The following EFCAB11 variants were observed in gnomAD, a reference collection of about 807,000 sequenced individuals.
The protein encoded by EFCAB11 is EF-hand calcium-binding domain-containing protein 11.
Under a neutral mutation model 23.0 loss-of-function variants are expected in EFCAB11, and 14 were observed. The ratio of observed to expected loss-of-function variants is 0.61; its 90% confidence interval spans 0.40 to 0.95. EFCAB11 has a LOEUF of 0.95. EFCAB11 is among the 40% of genes least tolerant of loss of function. EFCAB11 has a pLI of 0.00. For synonymous variants in EFCAB11, 65 were observed against 66.6 expected, an observed-to-expected ratio of 0.98 and a Z score of 0.11; for missense variants, 198 against 195.8, an observed-to-expected ratio of 1.01 and a Z score of -0.07.
In EFCAB11 at chr14:89,890,340, A is replaced by AATACTTGGTC. The variant is rs1319473460; in HGVS notation, c.410+41191_410+41200dup. 2.0e-5 allele frequency among the ~76,000 whole-genome samples: 3 copies of AATACTTGGTC among 152,356 alleles called. No individual in the cohort carries two copies. The East Asian group carries it at 5.8e-4, about 29-fold the overall frequency. ...AATATAAGAGCAATAAAAGGTCAGA[A>AATACTTGGTC]ATACTTGGTCATATTCTTTAAACAG... is the stretch of plus-strand genomic sequence containing the variant. On this transcript the variant is annotated intron_variant, in intron 5 of 5. Coordinates refer to ENST00000316738, the MANE Select transcript of EFCAB11 (RefSeq NM_145231.4).
At chr14:89,848,036 C>T (rs1887489615) in intron 5 of EFCAB11, among the ~76,000 whole-genome samples, 1 of 152,190 alleles carries the variant, frequency 6.6e-6, no homozygotes, top group East Asian at 1.9e-4. Context: ...CTAAGCTCCC[C>T]AAAGTAACTC....
rs146425799 is a variant in EFCAB11 at position 89,911,014 on chromosome 14, T to C, written c.410+20527A>G. ...TAATAATTAACAAAGGTGCACCTAGTACACACACTATGGATCAGGCTTGGA... is the reference window on the plus strand; with the variant it reads ...TAATAATTAACAAAGGTGCACCTAGCACACACACTATGGATCAGGCTTGGA... On this transcript the variant is annotated intron_variant, in intron 5 of 5. Coordinates refer to ENST00000316738, the MANE Select transcript of EFCAB11 (RefSeq NM_145231.4). 3.5e-3 allele frequency among the ~76,000 whole-genome samples: 527 copies of C among 152,304 alleles called. 5 individuals are homozygous for C. The highest frequency in any genetic ancestry group is 0.012 in the African/African-American group (505 of 41,560).
At chr14:89,831,577 A>G (rs1886884693) in intron 5 of EFCAB11, among the ~76,000 whole-genome samples, 1 of 152,218 alleles carries the variant, frequency 6.6e-6, no homozygotes, top group Admixed American at 6.5e-5. Context: ...ATGTATGTGC[A>G]TGTATATATT....
At chr14:89,928,696 C>T (rs182524283) in intron 5 of EFCAB11, among the ~76,000 whole-genome samples, 9 of 147,388 alleles carry the variant, frequency 6.1e-5, no homozygotes, top group Admixed American at 2.0e-4. Context: ...ATATGTTAAT[C>T]ATATATACAA....
intron 5 of EFCAB11, among the ~76,000 whole-genome samples, chr14:89,817,746 C>A (rs1886379581): frequency 6.6e-6 from 1 of 152,192 alleles, no homozygotes; most frequent in Middle Eastern, 3.4e-3. Flanking sequence ...GTAATCCCAG[C>A]ACTTTGGGAG....
intron 2 of EFCAB11, chr14:89,952,622 A>G: frequency 1.0e-6 from 1 of 984,862 alleles, no homozygotes; most frequent in Non-Finnish European, 1.2e-6. Context: ...TACTTGGGTC[A>G]AGAGAATATA....
chr14:89,948,854 G>C (rs1273566540), intron 3 of EFCAB11, among the ~76,000 whole-genome samples: 1 of 151,642 alleles, frequency 6.6e-6, no homozygotes, highest in Admixed American at 6.6e-5. Context: ...GAGGATGTTG[G>C]GGAGAGTTAT....
intron 5 of EFCAB11, among the ~76,000 whole-genome samples, chr14:89,916,222 C>A (rs1889839229): frequency 6.8e-6 from 1 of 147,302 alleles, no homozygotes; most frequent in South Asian, 2.1e-4. Flanking sequence ...ATGAGAAGTA[C>A]ATCTAGCTAC....
At chr14:89,827,173 A>C (rs1377838246) in intron 5 of EFCAB11, among the ~76,000 whole-genome samples, 2 of 152,224 alleles carry the variant, frequency 1.3e-5, no homozygotes, top group African/African-American at 4.8e-5. Context: ...AGCCTCTACC[A>C]TCCTCAGGGC....
chr14:89,897,992 A>G (rs1889220258), intron 5 of EFCAB11, among the ~76,000 whole-genome samples: 1 of 152,246 alleles, frequency 6.6e-6, no homozygotes. Context: ...ATCAACAAAA[A>G]GCTAAAAGCA....
intron 5 of EFCAB11, among the ~76,000 whole-genome samples, chr14:89,827,436 C>T (rs572955646): frequency 2.6e-5 from 4 of 152,178 alleles, no homozygotes; most frequent in Admixed American, 2.6e-4. Flanking sequence ...TCTGGCCGCC[C>T]GGTAGCCTCT....
chr14:89,845,930 T>A (rs146960396), intron 5 of EFCAB11, among the ~76,000 whole-genome samples: 1 of 152,282 alleles, frequency 6.6e-6, no homozygotes, highest in Non-Finnish European at 1.5e-5. Flanking sequence ...CTCCCCAGCA[T>A]CGACAGACAG....
intron 5 of EFCAB11, among the ~76,000 whole-genome samples, chr14:89,869,811 G>A (rs1199119253): frequency 6.6e-6 from 1 of 152,176 alleles, no homozygotes; most frequent in African/African-American, 2.4e-5. Context: ...AAAGAATCTA[G>A]TGTCCTAACT....
At chr14:89,802,560 T>A (rs1885822503) in intron 5 of EFCAB11, among the ~76,000 whole-genome samples, 1 of 151,990 alleles carries the variant, frequency 6.6e-6, no homozygotes, top group Non-Finnish European at 1.5e-5. Context: ...TCCGGCTAAT[T>A]TTTTGTAGTT....
At chr14:89,800,943 T>C (rs1275364529) in intron 5 of EFCAB11, among the ~76,000 whole-genome samples, 1 of 150,190 alleles carries the variant, frequency 6.7e-6, no homozygotes, top group Non-Finnish European at 1.5e-5. Context: ...CTCGGGAGGC[T>C]GAGGCAGGAG....
At chr14:89,837,437 T>C (rs920074756) in intron 5 of EFCAB11, among the ~76,000 whole-genome samples, 1 of 152,174 alleles carries the variant, frequency 6.6e-6, no homozygotes, top group African/African-American at 2.4e-5. Context: ...CCCTTCTCAA[T>C]AGCTCCAGCT....
rs1051337205 is a variant in EFCAB11, at chr14:89,795,710, A to T, written c.*1533T>A. 1.2e-4 allele frequency: 19 copies of T among 152,194 alleles called. No individual in the cohort carries two copies. Among genetic ancestry groups the T allele is most frequent in the Non-Finnish European group, 2.2e-4 (15 of 68,036 alleles). The allele number at this position is 152,194 out of a possible 1,614,324, so 9.4% of individuals were successfully genotyped here. A position where few individuals can be genotyped will look rare whatever the true frequency, so the allele number is the denominator to read the frequency against. ...TTATTTTTATTAAGGTTATCTGCTA[A>T]TAATTTGTATGATAATGACGCTTAA... On this transcript the variant is annotated 3_prime_UTR_variant, in exon 6 of 6. Coordinates refer to ENST00000316738, the MANE Select transcript of EFCAB11 (RefSeq NM_145231.4).
chr14:89,875,042 C>T (rs2140167975), intron 5 of EFCAB11, among the ~76,000 whole-genome samples: 1 of 152,330 alleles, frequency 6.6e-6, no homozygotes, highest in Middle Eastern at 3.4e-3. Context: ...AGTGCACATG[C>T]AGCCGTGGAC....
At chr14:89,904,746 A>G (rs1889444253) in intron 5 of EFCAB11, among the ~76,000 whole-genome samples, 1 of 152,162 alleles carries the variant, frequency 6.6e-6, no homozygotes, top group African/African-American at 2.4e-5. Flanking sequence ...GCATTTTTGC[A>G]TATGTCCGTT....
Sources: gnomAD v4.1 joint callset for allele counts (sites outside exome capture counted in the v4.1 genomes callset) on GRCh38, gnomAD v4.1.1 for gene constraint, MANE v1.5 for transcripts, NCBI Gene and HGNC (gene_info 2026-07-23, HGNC 2026-07-21) for gene names.